The following NKAIN2 variants were observed in gnomAD, a reference collection of about 807,000 sequenced individuals.
The protein encoded by NKAIN2 is sodium/potassium-transporting ATPase subunit beta-1-interacting protein 2.
A neutral mutation model predicts 32.6 loss-of-function variants in NKAIN2; 14 were observed. That is an observed-to-expected ratio of 0.43 (90% CI 0.28 to 0.67). The LOEUF is 0.67. NKAIN2 is among the 30% of genes least tolerant of loss of function. The probability of loss-of-function intolerance (pLI) is 0.17; values close to 1 mark genes in which losing one functional copy is unlikely to be tolerated. For synonymous variants in NKAIN2, 80 were observed against 87.2 expected (o/e 0.92, Z 0.46); for missense variants, 198 against 258.3 (o/e 0.77, Z 1.60).
At chr6:124,513,888 T>C (rs1303742631) in intron 3 of NKAIN2, among the ~76,000 whole-genome samples, 2 of 152,150 alleles carry the variant, frequency 1.3e-5, no homozygotes, top group African/African-American at 4.8e-5. Context: ...GATGTTGTCA[T>C]GAATAATTTA....
At position 123,803,885 on chromosome 6, in the gene NKAIN2, G is replaced by A. The variant is rs1377172810; in HGVS notation, c.-316G>A. ...GGGCCAGATGCCCGAGGGCGCGGCG[G>A]CGCTGCCAGGCTGCCGCTGCTGCCC... On this transcript the variant is annotated 5_prime_UTR_variant, in exon 1 of 7. Coordinates refer to ENST00000368417, the MANE Select transcript of NKAIN2 (RefSeq NM_001040214.3). Among the ~76,000 whole-genome samples the A allele has an allele frequency of 2.7e-5, 4 of 148,052 alleles. No homozygotes were observed. Among genetic ancestry groups the A allele is most frequent in the East Asian group, 3.9e-4 (2 of 5,072 alleles).
At chr6:124,509,991 G>T (rs1198640694) in intron 3 of NKAIN2, among the ~76,000 whole-genome samples, 1 of 151,972 alleles carries the variant, frequency 6.6e-6, no homozygotes, top group African/African-American at 2.4e-5. Flanking sequence ...ATACACAAAG[G>T]GATGTTATTC....
At chr6:124,302,135 T>C (rs1796315703) in intron 2 of NKAIN2, among the ~76,000 whole-genome samples, 1 of 152,172 alleles carries the variant, frequency 6.6e-6, no homozygotes, top group Non-Finnish European at 1.5e-5. Context: ...AGATCTGACG[T>C]TTTTATAATG....
chr6:124,103,811 G>A (rs1187071843), intron 1 of NKAIN2, among the ~76,000 whole-genome samples: 3 of 152,002 alleles, frequency 2.0e-5, no homozygotes, highest in African/African-American at 4.8e-5. Flanking sequence ...CCTGGGGCCG[G>A]GTGCGGTGGC....
At chr6:123,898,698 GTCA>G (rs1159620432) in intron 1 of NKAIN2, among the ~76,000 whole-genome samples, 2 of 152,078 alleles carry the variant, frequency 1.3e-5, no homozygotes, top group African/African-American at 2.4e-5. Context: ...TTATTAGGAA[GTCA>G]TCATCATCAT....
intron 3 of NKAIN2, among the ~76,000 whole-genome samples, chr6:124,356,884 A>T (rs1435020353): frequency 6.6e-6 from 1 of 152,222 alleles, no homozygotes; most frequent in African/African-American, 2.4e-5. Flanking sequence ...GCAGGTGTTC[A>T]GACATATGGC....
chr6:124,559,834 A>ATTTTTTTTTTT (rs55701016), intron 3 of NKAIN2, among the ~76,000 whole-genome samples: 2 of 73,762 alleles, frequency 2.7e-5, no homozygotes, highest in Non-Finnish European at 4.7e-5. Context: ...GAAATAAACC[A>ATTTTTTTTTTT]TTTTTTTTTT....
chr6:124,293,162 A>G (rs1478558384), intron 2 of NKAIN2, among the ~76,000 whole-genome samples: 3 of 152,126 alleles, frequency 2.0e-5, no homozygotes, highest in Non-Finnish European at 2.9e-5. Context: ...TTCAATTATT[A>G]AGAATAGCTA....
chr6:124,774,622 G>A (rs1778907876), intron 4 of NKAIN2, among the ~76,000 whole-genome samples: 2 of 152,082 alleles, frequency 1.3e-5, no homozygotes, highest in African/African-American at 4.8e-5. Flanking sequence ...TTGGGAGACT[G>A]AGGCAGGCAG....
chr6:124,167,357 T>C (rs1415904397), intron 1 of NKAIN2, among the ~76,000 whole-genome samples: 3 of 151,816 alleles, frequency 2.0e-5, no homozygotes, highest in Non-Finnish European at 2.9e-5. Context: ...GTGATTTTTG[T>C]ACATTGATTT....
chr6:123,830,374 C>T (rs962925116), intron 1 of NKAIN2, among the ~76,000 whole-genome samples: 1 of 152,166 alleles, frequency 6.6e-6, no homozygotes, highest in Admixed American at 6.5e-5. Flanking sequence ...GGCAAAACTC[C>T]TTAACATAAT....
chr6:123,857,528 TAGA>T (rs1329795062), intron 1 of NKAIN2, among the ~76,000 whole-genome samples: 2 of 152,156 alleles, frequency 1.3e-5, no homozygotes, highest in Non-Finnish European at 2.9e-5. Context: ...TTTAAGTTCG[TAGA>T]AGATTAAACG....
chr6:123,985,588 C>T (rs1166992198), intron 1 of NKAIN2, among the ~76,000 whole-genome samples: 1 of 152,158 alleles, frequency 6.6e-6, no homozygotes. Flanking sequence ...AAAAGATTCA[C>T]AGATACACAC....
intron 3 of NKAIN2, among the ~76,000 whole-genome samples, chr6:124,564,922 T>C (rs1780848440): frequency 6.6e-6 from 1 of 152,206 alleles, no homozygotes; most frequent in African/African-American, 2.4e-5. Context: ...CTCCAGTTAC[T>C]GTTTCCCCTT....
chr6:124,563,429 G>C (rs560765333), intron 3 of NKAIN2, among the ~76,000 whole-genome samples: 1 of 151,956 alleles, frequency 6.6e-6, no homozygotes, highest in Non-Finnish European at 1.5e-5. Context: ...TCAAATGTCC[G>C]CTGCTACTGT....
intron 2 of NKAIN2, among the ~76,000 whole-genome samples, chr6:124,342,676 T>A (rs1018879929): frequency 1.3e-5 from 2 of 151,532 alleles, no homozygotes; most frequent in Non-Finnish European, 2.9e-5. Context: ...CCCAGCACAT[T>A]TTTTGTATTT....
At chr6:124,189,034 A>G (rs948217310) in intron 1 of NKAIN2, among the ~76,000 whole-genome samples, 1 of 152,178 alleles carries the variant, frequency 6.6e-6, no homozygotes, top group African/African-American at 2.4e-5. Flanking sequence ...AGATTTTCTA[A>G]TACATCACTG....
intron 3 of NKAIN2, among the ~76,000 whole-genome samples, chr6:124,359,230 G>C (rs1423299818): frequency 6.6e-6 from 1 of 151,750 alleles, no homozygotes; most frequent in Non-Finnish European, 1.5e-5. Flanking sequence ...TTGTTCTTTT[G>C]GCTTAGGATT....
At chr6:124,492,257 T>C (rs1001596214) in intron 3 of NKAIN2, among the ~76,000 whole-genome samples, 10 of 152,058 alleles carry the variant, frequency 6.6e-5, no homozygotes, top group Non-Finnish European at 1.5e-4. Flanking sequence ...TTTCTAAATA[T>C]AGAAAATTTT....
Sources: gnomAD v4.1 joint callset for allele counts (sites outside exome capture counted in the v4.1 genomes callset) on GRCh38, gnomAD v4.1.1 for gene constraint, MANE v1.5 for transcripts, NCBI Gene and HGNC (gene_info 2026-07-23, HGNC 2026-07-21) for gene names.